RYR3: variants seen among roughly 807,000 people sequenced by gnomAD.
RYR3 encodes brain ryanodine receptor-calcium release channel.
RYR3 carries 207 observed loss-of-function variants against 584.3 expected under a neutral mutation model. The observed-to-expected ratio is 0.35, with a 90% confidence interval of 0.32 to 0.40. RYR3 has a LOEUF of 0.40. RYR3 is among the 10% of genes least tolerant of loss of function. RYR3 has a pLI of 1.00. For synonymous variants in RYR3, 2,416 were observed against 2,248.5 expected (o/e 1.07, Z -2.11); for missense variants, 5,616 against 6,089.2 (o/e 0.92, Z 2.59).
intron 20 of RYR3, among the ~76,000 whole-genome samples, chr15:33,624,782 T>A (rs1595877694): frequency 2.6e-5 from 4 of 152,230 alleles, no homozygotes; most frequent in Non-Finnish European, 1.5e-5. Flanking sequence ...GCAGGGCTAT[T>A]TGAATCACTA....
At chr15:33,511,345 A>C (rs944354466) in intron 3 of RYR3, among the ~76,000 whole-genome samples, 10 of 151,628 alleles carry the variant, frequency 6.6e-5, no homozygotes, top group African/African-American at 2.2e-4. Context: ...AAAAAAAAAA[A>C]AAAAAACTCT....
In RYR3 at chr15:33,337,934, ATTTTTTTTTTTTT is replaced by A. The variant is rs199625940; in HGVS notation, c.51+26854_51+26866del. On this transcript the variant is annotated intron_variant, in intron 1 of 103. Transcript: ENST00000634891. ...AGACAAGTCTCAATCATTTTAGGAG[ATTTTTTTTTTTTT>A]TTTTTTTTTTTTTTTGAGACTGAGT... 2.3e-4 allele frequency among the ~76,000 whole-genome samples: 26 copies of A among 113,602 alleles called. 1 individual carries two copies. Among genetic ancestry groups the A allele is most frequent in the African/African-American group, 7.2e-4 (20 of 27,654 alleles). The allele number at this position is 113,602 out of a possible 152,430, so 74.5% of individuals were successfully genotyped here. A position where few individuals can be genotyped will look rare whatever the true frequency, so the allele number is the denominator to read the frequency against.
chr15:33,467,541 A>G (rs1232894874), intron 1 of RYR3: 2 of 926,484 alleles, frequency 2.2e-6, no homozygotes, highest in Non-Finnish European at 2.6e-6. Flanking sequence ...TTCATTTTCA[A>G]GTTCAAAGTT....
intron 3 of RYR3, 44 bp downstream of exon 3, chr15:33,503,782 AC>A: frequency 8.8e-7 from 1 of 1,134,922 alleles, no homozygotes; most frequent in Non-Finnish European, 1.3e-6. Context: ...GGGGTGCACC[AC>A]ATCCCCAAAA....
At chr15:33,652,937 A>C in intron 32 of RYR3, 54 bp downstream of exon 32, 1 of 1,531,408 alleles carries the variant, frequency 6.5e-7, no homozygotes, top group African/African-American at 1.4e-5. Flanking sequence ...GGTGTTTATC[A>C]CTGTGTTCCT....
At chr15:33,414,134 A>G (rs2043610165) in intron 1 of RYR3, among the ~76,000 whole-genome samples, 2 of 152,232 alleles carry the variant, frequency 1.3e-5, no homozygotes, top group Admixed American at 1.3e-4. Context: ...CTTGTTAAAC[A>G]ACAGAAATTA....
chr15:33,832,875 G>T (rs565538109), intron 86 of RYR3, among the ~76,000 whole-genome samples: 1 of 151,906 alleles, frequency 6.6e-6, no homozygotes, highest in South Asian at 2.1e-4. Flanking sequence ...GGGTATGGTA[G>T]CAGGTGCCTG....
chr15:33,697,852 G>A (rs746927730), intron 39 of RYR3, 30 bp from the exon 40 acceptor site: 2 of 1,389,320 alleles, frequency 1.4e-6, no homozygotes, highest in Non-Finnish European at 2.1e-6. Flanking sequence ...ATAAGCAGGT[G>A]CTGAAGACTC....
intron 2 of RYR3, among the ~76,000 whole-genome samples, chr15:33,491,789 C>T (rs964691380): frequency 2.0e-5 from 3 of 152,058 alleles, no homozygotes; most frequent in African/African-American, 7.3e-5. Context: ...CCTGGCCAGT[C>T]CCCCCAGATA....
rs554687126 is a variant in RYR3 at position 33,712,219 on chromosome 15, G to A, written c.6619+5165G>A. On this transcript the variant is annotated intron_variant, in intron 43 of 103. Transcript: ENST00000634891. ...TGTTGTGAAGACAGCCTCAAGCCAT[G>A]AGGGATCTGTCCCCATGATTCAAAC... 7.2e-5 allele frequency among the ~76,000 whole-genome samples: 11 copies of A among 152,330 alleles called. No individual in the cohort carries two copies. In the South Asian group the frequency reaches 2.3e-3, roughly 32 times the overall value.
At chr15:33,339,961 A>G (rs1285498599) in intron 1 of RYR3, among the ~76,000 whole-genome samples, 1 of 151,932 alleles carries the variant, frequency 6.6e-6, no homozygotes, top group Non-Finnish European at 1.5e-5. Flanking sequence ...GGCTTAAAAG[A>G]GAAGAAGAAA....
chr15:33,716,110 C>G (rs1335695334), intron 43 of RYR3, among the ~76,000 whole-genome samples: 1 of 152,152 alleles, frequency 6.6e-6, no homozygotes, highest in Non-Finnish European at 1.5e-5. Flanking sequence ...GAGACACCTG[C>G]TCCCCCTTCA....
intron 1 of RYR3, among the ~76,000 whole-genome samples, chr15:33,364,127 A>T (rs1032727514): frequency 1.3e-5 from 2 of 152,194 alleles, no homozygotes; most frequent in African/African-American, 4.8e-5. Context: ...GAAATGACAA[A>T]TATCTTGGAT....
intron 38 of RYR3, among the ~76,000 whole-genome samples, chr15:33,693,319 C>T (rs535354675): frequency 6.8e-4 from 104 of 152,356 alleles, no homozygotes; most frequent in Non-Finnish European, 1.1e-3. Context: ...ACTCCAGCAG[C>T]GCCCAGGTCC....
At chr15:33,604,539 A>G (rs2059816901) in intron 18 of RYR3, among the ~76,000 whole-genome samples, 1 of 152,204 alleles carries the variant, frequency 6.6e-6, no homozygotes, top group Non-Finnish European at 1.5e-5. Context: ...ATCCTGGATC[A>G]CTGCCATGGG....
intron 1 of RYR3, among the ~76,000 whole-genome samples, chr15:33,404,145 T>C (rs2042865413): frequency 6.6e-6 from 1 of 152,208 alleles, no homozygotes; most frequent in African/African-American, 2.4e-5. Flanking sequence ...CTTTTATTAG[T>C]AGAAATGATG....
chr15:33,330,678 G>A (rs572996806), intron 1 of RYR3, among the ~76,000 whole-genome samples: 3 of 152,084 alleles, frequency 2.0e-5, no homozygotes, highest in Admixed American at 1.3e-4. Flanking sequence ...CTTCAATGTC[G>A]TTATTCATGT....
At chr15:33,557,878 GATA>G (rs1054714267) in intron 10 of RYR3, among the ~76,000 whole-genome samples, 1 of 152,168 alleles carries the variant, frequency 6.6e-6, no homozygotes, top group African/African-American at 2.4e-5. Flanking sequence ...GGAGGCAGAG[GATA>G]ATGATTACTG....
intron 19 of RYR3, among the ~76,000 whole-genome samples, chr15:33,618,361 A>T (rs936737899): frequency 6.6e-6 from 1 of 152,204 alleles, no homozygotes; most frequent in Non-Finnish European, 1.5e-5. Context: ...GCTAAAATTC[A>T]GGTAACCAAC....
Sources: allele counts gnomAD v4.1 joint callset (sites outside exome capture counted in the v4.1 genomes callset), GRCh38; gene constraint gnomAD v4.1.1; transcripts MANE v1.5; gene names NCBI Gene and HGNC (gene_info 2026-07-23, HGNC 2026-07-21).